EPHA3: variants seen among roughly 807,000 people sequenced by gnomAD.
The protein encoded by EPHA3 is EPH receptor A3, also known as ephrin type-A receptor 3.
Under a neutral mutation model 107.1 loss-of-function variants are expected in EPHA3, and 42 were observed. The ratio of observed to expected loss-of-function variants is 0.39; its 90% CI spans 0.31 to 0.51. The LOEUF is 0.51. EPHA3 is among the 20% of genes least tolerant of loss of function. The pLI is 0.78. For missense variants in EPHA3, 1,183 were observed against 1,211.2 expected (o/e 0.98, Z 0.35); for synonymous variants, 461 against 424.8 (o/e 1.09, Z -1.05).
At chr3:89,208,808 T>G (rs1706192096) in intron 2 of EPHA3, among the ~76,000 whole-genome samples, 1 of 152,116 alleles carries the variant, frequency 6.6e-6, no homozygotes. Flanking sequence ...AACACAAATG[T>G]GAAATTCAAG....
At chr3:89,369,978 A>G (rs1210333529) in intron 5 of EPHA3, among the ~76,000 whole-genome samples, 1 of 150,674 alleles carries the variant, frequency 6.6e-6, no homozygotes, top group African/African-American at 2.5e-5. Context: ...CACCAATTAG[A>G]ATGGCAATCA....
In EPHA3 at chr3:89,342,124, A is replaced by G. The variant is rs139662889; in HGVS notation, c.1306+34A>G. 727 of 1,551,870 alleles carry G rather than the reference A, an allele frequency of 4.7e-4. 2 individuals carry two copies. The African/African-American group carries it at 8.6e-3, about 18-fold the overall frequency. On this transcript the variant is annotated intron_variant, in intron 5 of 16. Coordinates refer to ENST00000336596, the MANE Select transcript of EPHA3 (RefSeq NM_005233.6). ...ATACTAGATGCTTCTTACTCTTATCATATCACGTCTGAGTAATGGTTTTGA... is the reference window on the plus strand; with the variant it reads ...ATACTAGATGCTTCTTACTCTTATCGTATCACGTCTGAGTAATGGTTTTGA...
chr3:89,472,140 C>T (rs1710414676), intron 15 of EPHA3, among the ~76,000 whole-genome samples: 1 of 152,092 alleles, frequency 6.6e-6, no homozygotes, highest in African/African-American at 2.4e-5. Context: ...TAACCGTATC[C>T]TAAATTACTA....
Position 89,203,655 on chromosome 3 carries a change from C to T in EPHA3, c.154-6205C>T, listed in dbSNP as rs1327910399. Reference sequence around the variant, plus strand: ...AGCCGGGCGCAGTGGCGGGCGCCTGCAGTCCCAGCTACTCGGGAGGCTGAG... The same window carrying T: ...AGCCGGGCGCAGTGGCGGGCGCCTGTAGTCCCAGCTACTCGGGAGGCTGAG... On this transcript the variant is annotated intron_variant, in intron 2 of 16. Coordinates refer to ENST00000336596, the MANE Select transcript of EPHA3 (RefSeq NM_005233.6). 1.4e-3 allele frequency among the ~76,000 whole-genome samples: 217 copies of T among 151,826 alleles called. 3 individuals carry two copies. Among genetic ancestry groups the T allele is most frequent in the Non-Finnish European group, 3.2e-4 (22 of 67,832 alleles).
At chr3:89,271,822 C>T (rs981427139) in intron 3 of EPHA3, among the ~76,000 whole-genome samples, 3 of 151,768 alleles carry the variant, frequency 2.0e-5, no homozygotes, top group African/African-American at 4.8e-5. Flanking sequence ...ACTGGGCCCT[C>T]GAACAACATG....
At chr3:89,355,791 T>C (rs891037024) in intron 5 of EPHA3, among the ~76,000 whole-genome samples, 2 of 147,918 alleles carry the variant, frequency 1.4e-5, no homozygotes, top group African/African-American at 4.9e-5. Flanking sequence ...TAGAAACTCT[T>C]TTTTTTTTAA....
intron 3 of EPHA3, among the ~76,000 whole-genome samples, chr3:89,338,892 T>G (rs1476741094): frequency 6.6e-6 from 1 of 152,164 alleles, no homozygotes; most frequent in Non-Finnish European, 1.5e-5. Flanking sequence ...AGTCACATAA[T>G]CACTTCCTAG....
At chr3:89,148,026 G>T (rs932707382) in intron 2 of EPHA3, among the ~76,000 whole-genome samples, 15 of 151,788 alleles carry the variant, frequency 9.9e-5, no homozygotes, top group East Asian at 5.8e-4. Flanking sequence ...TGGGTGTAAT[G>T]ATGTTATATT....
At chr3:89,307,790 T>C (rs1486729015) in intron 3 of EPHA3, among the ~76,000 whole-genome samples, 1 of 152,154 alleles carries the variant, frequency 6.6e-6, no homozygotes, top group African/African-American at 2.4e-5. Context: ...TGGGCTCGAA[T>C]GATCTGCCCA....
intron 3 of EPHA3, among the ~76,000 whole-genome samples, chr3:89,246,843 CT>C (rs1197276667): frequency 6.6e-6 from 1 of 151,944 alleles, no homozygotes; most frequent in East Asian, 1.9e-4. Context: ...TTGAAATAAT[CT>C]GGAAGTAAGG....
At chr3:89,217,416 A>T (rs1483662670) in intron 3 of EPHA3, among the ~76,000 whole-genome samples, 1 of 151,816 alleles carries the variant, frequency 6.6e-6, no homozygotes, top group East Asian at 1.9e-4. Flanking sequence ...ACAAAAACAA[A>T]AACAAAAAAA....
At chr3:89,372,161 A>T (rs1708319278) in intron 5 of EPHA3, among the ~76,000 whole-genome samples, 1 of 151,640 alleles carries the variant, frequency 6.6e-6, no homozygotes, top group Non-Finnish European at 1.5e-5. Flanking sequence ...CTATGGATTG[A>T]TCCATCTGAA....
chr3:89,344,229 T>G (rs1342307976), intron 5 of EPHA3, among the ~76,000 whole-genome samples: 1 of 152,158 alleles, frequency 6.6e-6, no homozygotes, highest in Admixed American at 6.6e-5. Context: ...AAACTAATAG[T>G]TCCAAATATA....
At chr3:89,357,532 A>T (rs1421217121) in intron 5 of EPHA3, among the ~76,000 whole-genome samples, 1 of 151,178 alleles carries the variant, frequency 6.6e-6, no homozygotes, top group Non-Finnish European at 1.5e-5. Flanking sequence ...AAGTTCGTCT[A>T]TCTTTGTCCA....
intron 1 of EPHA3, among the ~76,000 whole-genome samples, chr3:89,123,230 C>T (rs373965822): frequency 2.0e-5 from 3 of 152,158 alleles, no homozygotes; most frequent in Non-Finnish European, 4.4e-5. Context: ...CTGCAACCTG[C>T]GCCTCCGGGT....
chr3:89,457,705 G>T (rs1710127513), intron 15 of EPHA3, among the ~76,000 whole-genome samples: 1 of 152,194 alleles, frequency 6.6e-6, no homozygotes, highest in Non-Finnish European at 1.5e-5. Flanking sequence ...GGGAGACACT[G>T]AAGTTACTGA....
chr3:89,461,157 C>G (rs1710231480), intron 15 of EPHA3, among the ~76,000 whole-genome samples: 1 of 95,356 alleles, frequency 1.0e-5, no homozygotes, highest in South Asian at 3.3e-4. Context: ...GATATGAACT[C>G]ATCATTTTTT....
chr3:89,418,239 T>A (rs1709285547), intron 10 of EPHA3, among the ~76,000 whole-genome samples: 1 of 151,422 alleles, frequency 6.6e-6, no homozygotes, highest in Non-Finnish European at 1.5e-5. Flanking sequence ...AAACTATTTT[T>A]AATGTGATGC....
chr3:89,142,588 A>G (rs1235430155), intron 2 of EPHA3, among the ~76,000 whole-genome samples: 1 of 151,490 alleles, frequency 6.6e-6, no homozygotes, highest in Non-Finnish European at 1.5e-5. Flanking sequence ...ATTGACATAA[A>G]CTGTTACTTA....
Sources: allele counts gnomAD v4.1 joint callset (sites outside exome capture counted in the v4.1 genomes callset), GRCh38; gene constraint gnomAD v4.1.1; transcripts MANE v1.5; gene names NCBI Gene and HGNC (gene_info 2026-07-23, HGNC 2026-07-21).